HTR1F: variants seen among roughly 807,000 people sequenced by gnomAD.
HTR1F encodes 5-hydroxytryptamine receptor 1F, also known as 5-hydroxytryptamine (serotonin) receptor 1F, G protein-coupled.
HTR1F carries 17 observed loss-of-function variants against 24.0 expected under a neutral mutation model. The observed-to-expected ratio is 0.71, with a 90% CI of 0.48 to 1.06. HTR1F has a LOEUF of 1.06. Among genes scored for constraint, HTR1F ranks in the 50% least tolerant of loss-of-function variants. The pLI is 0.00. For missense variants in HTR1F, 391 were observed against 427.8 expected (o/e 0.91, Z 0.76); for synonymous variants, 186 against 156.8 (o/e 1.19, Z -1.39).
chr3:87,887,846 A>G (rs1466745469), intron 2 of HTR1F, among the ~76,000 whole-genome samples: 2 of 152,200 alleles, frequency 1.3e-5, no homozygotes, highest in African/African-American at 4.8e-5. Context: ...ATGTGGAGAA[A>G]TGGAACACTT....
At chr3:87,842,579 GA>G (rs772351447) in intron 2 of HTR1F, among the ~76,000 whole-genome samples, 1 of 151,544 alleles carries the variant, frequency 6.6e-6, no homozygotes, top group African/African-American at 2.4e-5. Flanking sequence ...ATTTCCTGGG[GA>G]AAAAAACCGT....
intron 2 of HTR1F, among the ~76,000 whole-genome samples, chr3:87,972,296 T>C (rs1400771068): frequency 6.6e-6 from 1 of 152,208 alleles, no homozygotes; most frequent in East Asian, 1.9e-4. Flanking sequence ...CAATAATCAA[T>C]TTTCTCAACT....
At chr3:87,910,015 C>T (rs1222024913) in intron 2 of HTR1F, among the ~76,000 whole-genome samples, 1 of 151,972 alleles carries the variant, frequency 6.6e-6, no homozygotes, top group African/African-American at 2.4e-5. Flanking sequence ...TACTTCCTGC[C>T]AAAATTCTAT....
chr3:87,847,731 T>G (rs1704977690), intron 2 of HTR1F, among the ~76,000 whole-genome samples: 1 of 151,828 alleles, frequency 6.6e-6, no homozygotes. Context: ...TACCCATCAT[T>G]CTATTCTCTG....
At chr3:87,988,820 C>T (rs1469109888) in intron 2 of HTR1F, among the ~76,000 whole-genome samples, 1 of 151,616 alleles carries the variant, frequency 6.6e-6, no homozygotes, top group African/African-American at 2.4e-5. Context: ...CTCAAGTGAT[C>T]CCCCTGCCTC....
chr3:87,857,854 T>C (rs550755842), intron 2 of HTR1F, among the ~76,000 whole-genome samples: 7 of 152,292 alleles, frequency 4.6e-5, no homozygotes, highest in African/African-American at 1.7e-4. Context: ...ATTCACAGGC[T>C]CTGGGGATTC....
chr3:87,831,042 A>G (rs1406960381), intron 2 of HTR1F, among the ~76,000 whole-genome samples: 1 of 152,192 alleles, frequency 6.6e-6, no homozygotes, highest in Non-Finnish European at 1.5e-5. Flanking sequence ...CACTGAATTA[A>G]CAGTTGATAA....
chr3:87,907,197 A>AT (rs34920865), intron 2 of HTR1F, among the ~76,000 whole-genome samples: 58,163 of 147,686 alleles, frequency 0.39, 11,443 homozygotes, highest in African/African-American at 0.47. Context: ...GCCAACATTT[A>AT]TTTTTTTTTT....
At chr3:87,807,931 T>A (rs1173016242) in intron 1 of HTR1F, among the ~76,000 whole-genome samples, 1 of 152,098 alleles carries the variant, frequency 6.6e-6, no homozygotes. Context: ...TTTATTGATT[T>A]GCATGCCTTG....
Position 87,914,130 on chromosome 3 carries a change from T to C in HTR1F, c.-42-76578T>C, listed in dbSNP as rs182763854. Among the ~76,000 whole-genome samples, 4 of 152,218 alleles carry C rather than the reference T, an allele frequency of 2.6e-5. No individual in the cohort carries two copies. In the East Asian group the frequency reaches 7.7e-4, roughly 29 times the overall value. ...TACAAGGGAAGATTTTGACCTTACCTGGAGCTGAGTCAATTTAGAGAGCCC... is the reference window on the plus strand; with the variant it reads ...TACAAGGGAAGATTTTGACCTTACCCGGAGCTGAGTCAATTTAGAGAGCCC... On this transcript the variant is annotated intron_variant, in intron 2 of 2. Transcript: ENST00000319595.
intron 2 of HTR1F, among the ~76,000 whole-genome samples, chr3:87,916,584 C>G (rs185693281): frequency 6.6e-6 from 1 of 152,140 alleles, no homozygotes; most frequent in Non-Finnish European, 1.5e-5. Flanking sequence ...ATTCTTATAT[C>G]AGACAAAACA....
At chr3:87,841,937 A>T (rs1232390239) in intron 2 of HTR1F, among the ~76,000 whole-genome samples, 1 of 150,036 alleles carries the variant, frequency 6.7e-6, no homozygotes, top group African/African-American at 2.5e-5. Flanking sequence ...AAAAAAAAAA[A>T]ACTAAACTAA....
chr3:87,922,500 C>T (rs1426668638), intron 2 of HTR1F, among the ~76,000 whole-genome samples: 2 of 151,828 alleles, frequency 1.3e-5, no homozygotes, highest in Non-Finnish European at 2.9e-5. Context: ...CTTTGCTGTG[C>T]AGATGTTTTT....
chr3:87,978,513 C>G (rs1407603276), intron 2 of HTR1F, among the ~76,000 whole-genome samples: 1 of 152,114 alleles, frequency 6.6e-6, no homozygotes, highest in African/African-American at 2.4e-5. Context: ...TCTCAGGAGA[C>G]CCAGAGTGGT....
chr3:87,985,048 C>T (rs1705632018), intron 2 of HTR1F, among the ~76,000 whole-genome samples: 1 of 152,016 alleles, frequency 6.6e-6, no homozygotes, highest in Admixed American at 6.6e-5. Flanking sequence ...AAAGTAGTTA[C>T]TTGAGGGCTG....
chr3:87,912,272 A>G (rs1703794767), intron 2 of HTR1F, among the ~76,000 whole-genome samples: 2 of 152,096 alleles, frequency 1.3e-5, no homozygotes, highest in Non-Finnish European at 2.9e-5. Context: ...GTTATAAACC[A>G]ACGACAGCCA....
At chr3:87,990,592 TAATCTATAGAATATTCTGGGTA>T (rs2107526579) in intron 2 of HTR1F, 94 bp from the exon 3 acceptor site, 1 of 552,748 alleles carries the variant, frequency 1.8e-6, no homozygotes, top group Non-Finnish European at 3.1e-6. Context: ...CTCATTTTTT[TAATCTATAGAATATTCTGGGTA>T]AACATAACAT....
chr3:87,975,915 A>G (rs922437506), intron 2 of HTR1F, among the ~76,000 whole-genome samples: 1 of 152,236 alleles, frequency 6.6e-6, no homozygotes, highest in Non-Finnish European at 1.5e-5. Context: ...TGACAAATCA[A>G]CTGCCCAATT....
intron 2 of HTR1F, among the ~76,000 whole-genome samples, chr3:87,848,093 ACT>A (rs2107196256): frequency 6.6e-6 from 1 of 151,950 alleles, no homozygotes; most frequent in South Asian, 2.1e-4. Flanking sequence ...AAATCTTAAT[ACT>A]GTTTTCCACA....
Sources: gnomAD v4.1 joint callset for allele counts (sites outside exome capture counted in the v4.1 genomes callset) on GRCh38, gnomAD v4.1.1 for gene constraint, MANE v1.5 for transcripts, NCBI Gene and HGNC (gene_info 2026-07-23, HGNC 2026-07-21) for gene names.